Variants in PHF12 observed in about 807,000 individuals in gnomAD.
The protein encoded by PHF12 is PHD finger protein 12, also known as PHD factor 1.
A neutral mutation model predicts 99.8 loss-of-function variants in PHF12; 6 were observed. The observed-to-expected ratio is 0.06, with a 90% CI of 0.03 to 0.12. The LOEUF is 0.12. Ranked by LOEUF, PHF12 falls within the 10% of genes least tolerant of loss-of-function variation. PHF12 has a pLI of 1.00. For synonymous variants in PHF12, 480 were observed against 514.9 expected (o/e 0.93, Z 0.92); for missense variants, 954 against 1,300.1 (o/e 0.73, Z 4.09).
intron 5 of PHF12, 122 bp downstream of exon 5, chr17:28,921,566 T>C (rs1343445437): frequency 7.9e-7 from 1 of 1,259,672 alleles, no homozygotes; most frequent in Non-Finnish European, 1.1e-6. Context: ...AGTCTCCATG[T>C]ACTCATACTA....
intron 9 of PHF12, chr17:28,912,192 A>AAGGTATGGGATGGAGTCAGG: frequency 8.2e-7 from 1 of 1,225,990 alleles, no homozygotes; most frequent in Non-Finnish European, 1.0e-6. Context: ...CTAGGCCTGG[A>AAGGTATGGGATGGAGTCAGG]AGGTATGGGA....
At chr17:28,913,754 T>C in intron 8 of PHF12, 125 bp downstream of exon 8, 1 of 1,347,672 alleles carries the variant, frequency 7.4e-7, no homozygotes, top group Admixed American at 2.6e-5. Flanking sequence ...TACTCAACTC[T>C]TGAGGGGTTA....
At position 28,921,754 on chromosome 17, in the gene PHF12, G is replaced by A; in HGVS notation, c.770C>T (p.Thr257Ile). Residue 257 changes from threonine (T) to isoleucine (I), a missense_variant, in exon 5 of 15, where the codon ACA becomes ATA. Thr to Ile is a moderately conservative substitution (Grantham distance 89). Transcript: ENST00000332830. Reference protein sequence around the residue: ...EETTGKNVKKTQHELDHNGLV... With the variant: ...EETTGKNVKKIQHELDHNGLV... Reference sequence around the variant, plus strand: ...ACCATTGTGATCTAATTCATGCTGTGTCTTCTTAACATTTTTCCCTGTGGT... The same window carrying A: ...ACCATTGTGATCTAATTCATGCTGTATCTTCTTAACATTTTTCCCTGTGGT... 6.2e-7 allele frequency: 1 copy of A among 1,614,098 alleles called. No individual in the cohort carries two copies. The highest frequency in any genetic ancestry group is 1.1e-5 in the South Asian group (1 of 91,084).
chr17:28,925,624 T>C (rs2040257690), intron 3 of PHF12: 2 of 152,218 alleles, frequency 1.3e-5, no homozygotes, highest in African/African-American at 2.4e-5. Flanking sequence ...TCTAGAAAAC[T>C]GATGAAGAGG....
chr17:28,950,746 T>C lies in PHF12; in HGVS notation c.66+149A>G. On this transcript the variant is annotated intron_variant, in intron 1 of 14. Transcript: ENST00000332830. This position sits in a 1 kb window ranked among gnomAD's most constrained non-coding sequence, Gnocchi z 5.7. ...CGGAGGCTGAGCTCAGCCCCCTAAA[T>C]TGCAAAGAGGGGAGGGAGAGGCTAG... The C allele has an allele frequency of 1.7e-6, 2 of 1,172,786 alleles. No homozygotes were observed. Among genetic ancestry groups the C allele is most frequent in the Non-Finnish European group, 2.3e-6 (2 of 870,564 alleles). The allele number at this position is 1,172,786 out of a possible 1,614,324, so 72.6% of individuals were successfully genotyped here. A position where few individuals can be genotyped will look rare whatever the true frequency, so the allele number is the denominator to read the frequency against.
intron 2 of PHF12, among the ~76,000 whole-genome samples, chr17:28,942,900 T>C (rs941339460): frequency 6.6e-6 from 1 of 152,012 alleles, no homozygotes; most frequent in East Asian, 1.9e-4. Context: ...AATGGAAGAA[T>C]ACTTGTAAAT....
intron 2 of PHF12, among the ~76,000 whole-genome samples, chr17:28,934,720 C>T (rs1381480011): frequency 1.3e-5 from 2 of 151,028 alleles, no homozygotes; most frequent in Non-Finnish European, 2.9e-5. Context: ...AAGCAATTCT[C>T]CTCTGGAGTA....
chr17:28,949,542 AAC>A lies in PHF12; in HGVS notation c.248+521_248+522del, dbSNP rs2040772047. 6.5e-6 allele frequency: 1 copy of A among 153,224 alleles called. No homozygotes were observed. 9.5% of individuals were successfully genotyped at this position (153,224 alleles called of 1,614,324 possible). Reference sequence around the variant, plus strand: ...TTTAAAGGCAGGTCGCCATATTGTAAACAGAGAGGCAAAGAAGAGGCGGACTC... The same window carrying A: ...TTTAAAGGCAGGTCGCCATATTGTAAAGAGAGGCAAAGAAGAGGCGGACTC... On this transcript the variant is annotated intron_variant, in intron 2 of 14. Transcript: ENST00000332830. This position sits in a 1 kb window ranked among gnomAD's most constrained non-coding sequence, Gnocchi z 4.6.
chr17:28,910,151 C>T, intron 11 of PHF12, 75 bp downstream of exon 11: 2 of 1,599,390 alleles, frequency 1.3e-6, no homozygotes, highest in Non-Finnish European at 1.7e-6. Flanking sequence ...TCAGATTCTC[C>T]ATGGAGGCAA....
In PHF12 at chr17:28,944,653, G is replaced by GA. The variant is rs539349085; in HGVS notation, c.248+5411dup. On this transcript the variant is annotated intron_variant, in intron 2 of 14. Transcript: ENST00000332830. ...CAGAGTGAGACTCTGTCTCAAAAAA[G>GA]AAAAAAAACAAAGACAATACGACAT... 1.1e-4 allele frequency: 29 copies of GA among 273,306 alleles called. No homozygotes were observed. The South Asian group carries it at 1.1e-3, about 11-fold the overall frequency. The allele number at this position is 273,306 out of a possible 1,614,324, so 16.9% of individuals were successfully genotyped here.
In PHF12 at chr17:28,905,971, G is replaced by C; in HGVS notation, c.*212C>G. ...CTGCCGCTTTCCCATGAAATGTTGA[G>C]TACAAATATATGTGCAAATGCCCCC... On this transcript the variant is annotated 3_prime_UTR_variant, in exon 15 of 15. Coordinates refer to ENST00000332830, the MANE Select transcript of PHF12 (RefSeq NM_001033561.2). 1 of 541,120 alleles carries C rather than the reference G, an allele frequency of 1.8e-6. No homozygotes were observed. Among genetic ancestry groups the C allele is most frequent in the Non-Finnish European group, 3.1e-6 (1 of 318,410 alleles). The allele number at this position is 541,120 out of a possible 1,614,324, so 33.5% of individuals were successfully genotyped here. A position where few individuals can be genotyped will look rare whatever the true frequency, so the allele number is the denominator to read the frequency against.
At position 28,921,825 on chromosome 17, in the gene PHF12, T is replaced by A. The variant is rs759105816; in HGVS notation, c.716-17A>T. ...TGCTAGAACCTAGAAAAGAAAATGA[T>A]GGTGCTGAGCTATCCCTGGCTTCAG... On this transcript the variant is annotated splice_polypyrimidine_tract_variant and intron_variant, in intron 4 of 14. Transcript: ENST00000332830. 5.0e-6 allele frequency: 8 copies of A among 1,613,976 alleles called. No individual in the cohort carries two copies. Among genetic ancestry groups the A allele is most frequent in the Non-Finnish European group, 6.8e-6 (8 of 1,179,950 alleles).
Position 28,906,063 on chromosome 17 carries a change from G to T in PHF12, c.*120C>A. 1.1e-6 allele frequency: 1 copy of T among 949,592 alleles called. No homozygotes were observed. Among genetic ancestry groups the T allele is most frequent in the Non-Finnish European group, 1.5e-6 (1 of 667,924 alleles). 58.8% of individuals were successfully genotyped at this position (949,592 alleles called of 1,614,324 possible). The stretch of plus-strand genomic sequence containing the variant: ...AAAGGTTTTCTTCATTTCATGCAAA[G>T]ATTGTAGTTGAAGGGTTTCTGGTAG... On this transcript the variant is annotated 3_prime_UTR_variant, in exon 15 of 15. Transcript: ENST00000332830. The surrounding 1 kb of genome is among the most constrained non-coding windows in gnomAD (Gnocchi z 4.2).
rs1399293513 is a variant in PHF12, at chr17:28,912,660, G to A, written c.1911C>T (p.Asn637=). The change falls in exon 9 of 15, where the codon AAC becomes AAT. Residue 637 remains asparagine, a synonymous_variant. Transcript: ENST00000332830. The part of the protein sequence containing the change: ...SIPSSCASIE[N]TSTLQRKTVQ... ...CAGTCTTTCTTTGCAAAGTGCTGGT[G>A]TTCTCGATGCTGGCACAAGAGCTGG... is the stretch of plus-strand genomic sequence containing the variant. The A allele has an allele frequency of 2.5e-6, 4 of 1,614,094 alleles. No homozygotes were observed. The highest frequency in any genetic ancestry group is 3.3e-5 in the Admixed American group (2 of 60,014).
chr17:28,915,135 A>G (rs1285907278), intron 7 of PHF12, among the ~76,000 whole-genome samples: 1 of 152,160 alleles, frequency 6.6e-6, no homozygotes, highest in Non-Finnish European at 1.5e-5. Context: ...GGAAGTCAGT[A>G]TTTGGGTTGA....
At chr17:28,931,590 T>G (rs2040408017) in intron 2 of PHF12, among the ~76,000 whole-genome samples, 1 of 150,658 alleles carries the variant, frequency 6.6e-6, no homozygotes, top group African/African-American at 2.4e-5. Context: ...GCTTTTTTTT[T>G]GTTTGTTTTG....
intron 2 of PHF12, among the ~76,000 whole-genome samples, chr17:28,936,694 G>A (rs2040516729): frequency 6.6e-6 from 1 of 152,176 alleles, no homozygotes; most frequent in South Asian, 2.1e-4. Context: ...ATCATCATCT[G>A]TATGCCTCCC....
chr17:28,920,813 G>A (rs546048375), intron 5 of PHF12, among the ~76,000 whole-genome samples: 21 of 152,204 alleles, frequency 1.4e-4, no homozygotes, highest in African/African-American at 4.8e-4. Flanking sequence ...TGCCCGCCTC[G>A]GCCTCCCAAA....
chr17:28,924,240 C>T lies in PHF12; in HGVS notation c.384G>A (p.Arg128=). Reference sequence around the variant, plus strand: ...CAGTGTCACTGCTGGGGGATGTAGTCCGTTTGCCAGATTTGTCCACCAGTC... The same window carrying T: ...CAGTGTCACTGCTGGGGGATGTAGTTCGTTTGCCAGATTTGTCCACCAGTC... ...VNGLVDKSGK[R]TTSPSSDTDL... Residue 128 remains arginine (R), a synonymous_variant, in exon 4 of 15, where the codon CGG becomes CGA. Coordinates refer to ENST00000332830, the MANE Select transcript of PHF12 (RefSeq NM_001033561.2). 6.2e-7 allele frequency: 1 copy of T among 1,614,210 alleles called. No individual in the cohort carries two copies. Among genetic ancestry groups the T allele is most frequent in the Non-Finnish European group, 8.5e-7 (1 of 1,180,040 alleles).
Sources: gnomAD v4.1 joint callset for allele counts (sites outside exome capture counted in the v4.1 genomes callset) on GRCh38, gnomAD v4.1.1 for gene constraint, Gnocchi (gnomAD v3.1) non-coding constraint, MANE v1.5 for transcripts, NCBI Gene and HGNC (gene_info 2026-07-23, HGNC 2026-07-21) for gene names.